The following PPP1R13L variants were observed in gnomAD, a reference collection of about 807,000 sequenced individuals.
PPP1R13L encodes the protein protein phosphatase 1 regulatory subunit 13 like.
In PPP1R13L, 50 loss-of-function variants were observed where a neutral mutation model predicts 80.9. The observed-to-expected ratio is 0.62, with a 90% CI of 0.49 to 0.78. The LOEUF (loss-of-function observed/expected upper bound fraction) is 0.78, where lower values mean the gene tolerates loss of function less well. PPP1R13L is among the 30% of genes least tolerant of loss of function. PPP1R13L has a pLI of 0.00. For synonymous variants in PPP1R13L, 602 were observed against 534.3 expected (o/e 1.13, Z -1.75); for missense variants, 1,200 against 1,205.9 (o/e 1.00, Z 0.07).
chr19:45,391,909 T>C lies in PPP1R13L; in HGVS notation c.1786A>G (p.Ser596Gly), dbSNP rs901908357. ...CTCTGCGGCTGCTCTGGTGGGCTGC[T>C]CTGGGACGGGGCCGGGGGTGGAATG... is the stretch of plus-strand genomic sequence containing the variant. ...APIPPPAPSQ[S>G]SPPEQPQSME... The change falls in exon 8 of 13, where the codon AGC becomes GGC. Residue 596 changes from serine (S) to glycine (G), a missense_variant. By Grantham distance (56) the Ser-to-Gly change is moderately conservative. Around this residue, in one of 5 missense-constraint regions of PPP1R13L, gnomAD observed 214 missense variants for 199.6 expected, o/e 1.07. Transcript: ENST00000360957. The C allele has an allele frequency of 3.3e-6, 5 of 1,496,798 alleles. No individual in the cohort carries two copies. Among genetic ancestry groups the C allele is most frequent in the African/African-American group, 2.8e-5 (2 of 71,114 alleles). 92.7% of individuals were successfully genotyped at this position (1,496,798 alleles called of 1,614,324 possible).
Position 45,385,628 on chromosome 19 carries a change from C to G in PPP1R13L, c.2182G>C (p.Ala728Pro). 1.2e-6 allele frequency: 2 copies of G among 1,613,020 alleles called. No homozygotes were observed. Among genetic ancestry groups the G allele is most frequent in the East Asian group, 2.2e-5 (1 of 44,844 alleles). ...AIFATTLSDGATAFEKCDPYR... is the reference protein window; with the variant it reads ...AIFATTLSDGPTAFEKCDPYR... ...GGGTCGCACTTCTCGAAGGCGGTGG[C>G]GCCGTCGCTGAGCGTGGTGGCGAAG... Residue 728 changes from alanine to proline, a missense_variant, in exon 11 of 13, where the codon GCC becomes CCC. Physicochemically the swap from Ala to Pro is conservative, Grantham distance 27. This residue lies in a region of PPP1R13L where 165 missense variants were observed against 177.1 expected (regional missense o/e 0.93). Transcript: ENST00000360957.
Position 45,385,725 on chromosome 19 carries a change from T to C in PPP1R13L, c.2085A>G (p.Thr695=), listed in dbSNP as rs1972852744. Residue 695 remains threonine, a synonymous_variant, in exon 11 of 13, where the codon ACA becomes ACG. Coordinates refer to ENST00000360957, the MANE Select transcript of PPP1R13L (RefSeq NM_006663.4). ...TGCACGACGCCGCGCAGTGCAAGGG[T>C]GTCCTAGGCGTGGGGGTGGGGGGTT... is the stretch of plus-strand genomic sequence containing the variant. The part of the protein sequence containing the change: ...NVNSPDSHGW[T]PLHCAASCND... The C allele has an allele frequency of 6.2e-7, 1 of 1,607,262 alleles. No homozygotes were observed. The highest frequency in any genetic ancestry group is 1.3e-5 in the African/African-American group (1 of 74,666).
intron 7 of PPP1R13L, chr19:45,392,673 G>A: frequency 2.4e-6 from 1 of 419,238 alleles, no homozygotes; most frequent in Non-Finnish European, 4.5e-6. Flanking sequence ...CCAAAGCCAT[G>A]CAGTTGGGAC....
At chr19:45,390,681 T>A (rs529669623) in intron 8 of PPP1R13L, among the ~76,000 whole-genome samples, 38 of 152,134 alleles carry the variant, frequency 2.5e-4, no homozygotes, top group East Asian at 1.9e-3. Flanking sequence ...TTTAATCCGG[T>A]GTCTGAGGAG....
At chr19:45,392,507 A>G (rs372219286) in intron 7 of PPP1R13L, 167 bp from the exon 8 acceptor site, 2 of 745,288 alleles carry the variant, frequency 2.7e-6, no homozygotes, top group East Asian at 2.7e-5. Flanking sequence ...ATAATATACA[A>G]TTATGATGCC....
intron 11 of PPP1R13L, among the ~76,000 whole-genome samples, chr19:45,383,749 C>CTTTCTTTTCTTTTCTTTTCTTTTCT (rs530369634): frequency 6.6e-6 from 1 of 151,938 alleles, no homozygotes; most frequent in African/African-American, 2.4e-5. Flanking sequence ...TCATCTGCCT[C>CTTTCTTTTCTTTTCTTTTCTTTTCT]TTTCTTTTCT....
At chr19:45,401,375 T>A (rs1973230997) in intron 1 of PPP1R13L, among the ~76,000 whole-genome samples, 2 of 144,172 alleles carry the variant, frequency 1.4e-5, no homozygotes, top group Non-Finnish European at 3.0e-5. Flanking sequence ...AAAAAAAAAA[T>A]TTGTAGAGAC....
chr19:45,385,759 C>G, intron 10 of PPP1R13L, 31 bp from the exon 11 acceptor site: 2 of 1,607,356 alleles, frequency 1.2e-6, no homozygotes, highest in Non-Finnish European at 1.7e-6. Flanking sequence ...TTGCGGGGAA[C>G]GATGCGTGAG....
intron 3 of PPP1R13L, among the ~76,000 whole-genome samples, chr19:45,397,472 CTCT>C (rs1973132393): frequency 1.2e-5 from 1 of 83,272 alleles, no homozygotes; most frequent in Non-Finnish European, 2.3e-5. Context: ...TTCTCTCTCT[CTCT>C]TTCTTTCTTT....
chr19:45,380,301 C>A, intron 12 of PPP1R13L, 73 bp from the exon 13 acceptor site: 1 of 1,558,288 alleles, frequency 6.4e-7, no homozygotes, highest in South Asian at 1.1e-5. Context: ...CGCTGCCTGT[C>A]TCTATCCTCC....
Position 45,391,325 on chromosome 19 carries a change from G to T in PPP1R13L, c.1815+555C>A, listed in dbSNP as rs763229544. Among the ~76,000 whole-genome samples the T allele has an allele frequency of 2.6e-5, 4 of 152,254 alleles. No individual in the cohort carries two copies. In the South Asian group the frequency reaches 8.3e-4, roughly 32 times the overall value. On this transcript the variant is annotated intron_variant, in intron 8 of 12. Transcript: ENST00000360957. ...TCAGTCCCAGAATGAACCCACTGTTGTGCCAAGACTCAGTCATGTCCAGGT... is the reference window on the plus strand; with the variant it reads ...TCAGTCCCAGAATGAACCCACTGTTTTGCCAAGACTCAGTCATGTCCAGGT...
chr19:45,401,363 A>G (rs1299673428), intron 1 of PPP1R13L, among the ~76,000 whole-genome samples: 6 of 151,168 alleles, frequency 4.0e-5, no homozygotes, highest in African/African-American at 1.5e-4. Flanking sequence ...CCAAAAAAAA[A>G]AAAAAAAAAA....
rs772397658 is a variant in PPP1R13L at position 45,396,177 on chromosome 19, GC to G, written c.893del (p.Gly298AlafsTer77). On this transcript the variant is annotated frameshift_variant, in exon 6 of 13. Transcript: ENST00000360957. LOFTEE classifies it high-confidence loss of function. The surrounding 1 kb of genome is among the most constrained non-coding windows in gnomAD (Gnocchi z 5.3). ...GGCGTCGCCTCCTCACCTTGCCGGTGCCCCCCAGTCCATCCAGGCTGCTCTC... is the reference window on the plus strand; with the variant it reads ...GGCGTCGCCTCCTCACCTTGCCGGTGCCCCCAGTCCATCCAGGCTGCTCTC... ...WRESSLDGLGGTGKDNLTSAT... is the reference protein window; with the variant it reads ...WRESSLDGLGXTGKDNLTSAT... The G allele has an allele frequency of 6.2e-7, 1 of 1,608,106 alleles. No homozygotes were observed.
At chr19:45,397,715 G>T (rs1166167004) in intron 3 of PPP1R13L, among the ~76,000 whole-genome samples, 2 of 151,744 alleles carry the variant, frequency 1.3e-5, no homozygotes, top group Admixed American at 1.3e-4. Context: ...GTCTCTGAAA[G>T]TGTTGAGATT....
chr19:45,397,504 TTC>T (rs1361193238), intron 3 of PPP1R13L, among the ~76,000 whole-genome samples: 1 of 144,530 alleles, frequency 6.9e-6, no homozygotes, highest in Non-Finnish European at 1.5e-5. Context: ...CTTTCTTTCT[TTC>T]TTTCTTTCTT....
At chr19:45,403,636 C>G (rs999852976) in intron 1 of PPP1R13L, among the ~76,000 whole-genome samples, 3 of 152,182 alleles carry the variant, frequency 2.0e-5, no homozygotes, top group African/African-American at 7.2e-5. Flanking sequence ...CAAGATTCCT[C>G]TAGACAATGC....
At chr19:45,401,108 C>A (rs1036079624) in intron 1 of PPP1R13L, among the ~76,000 whole-genome samples, 9 of 151,162 alleles carry the variant, frequency 6.0e-5, no homozygotes, top group Non-Finnish European at 1.3e-4. Context: ...ATTTTGTACA[C>A]TTTGGGAGGC....
intron 7 of PPP1R13L, chr19:45,393,072 G>A (rs1020571156): frequency 6.7e-6 from 1 of 148,834 alleles, no homozygotes; most frequent in Non-Finnish European, 1.5e-5. Flanking sequence ...TGTAATCCCA[G>A]CTACTCGGAA....
At chr19:45,400,423 A>C (rs1280601486) in intron 1 of PPP1R13L, among the ~76,000 whole-genome samples, 1 of 151,684 alleles carries the variant, frequency 6.6e-6, no homozygotes, top group Non-Finnish European at 1.5e-5. Flanking sequence ...CTGGCAGTAT[A>C]GGCAGCAGGG....
Sources: allele counts gnomAD v4.1 joint callset (sites outside exome capture counted in the v4.1 genomes callset), GRCh38; gene constraint gnomAD v4.1.1; regional missense constraint gnomAD v4.1.1; non-coding constraint Gnocchi (gnomAD v3.1); transcripts MANE v1.5; gene names NCBI Gene and HGNC (gene_info 2026-07-23, HGNC 2026-07-21).